LRP1B: variants seen among roughly 807,000 people sequenced by gnomAD.
The protein encoded by LRP1B is LDL receptor related protein 1B.
In LRP1B, 217 loss-of-function variants were observed where a neutral mutation model predicts 556.6. The ratio of observed to expected loss-of-function variants is 0.39; its 90% CI spans 0.35 to 0.44. The LOEUF (loss-of-function observed/expected upper bound fraction) is 0.44. Among genes scored for constraint, LRP1B ranks in the 20% least tolerant of loss-of-function variants. The pLI, the probability that LRP1B is intolerant of heterozygous loss-of-function variation, is 1.00. For synonymous variants in LRP1B, 2,047 were observed against 1,865.8 expected (o/e 1.10, Z -2.50); for missense variants, 5,053 against 5,620.8 (o/e 0.90, Z 3.23).
At chr2:140,539,350 T>C (rs1240639012) in intron 45 of LRP1B, among the ~76,000 whole-genome samples, 1 of 152,142 alleles carries the variant, frequency 6.6e-6, no homozygotes, top group African/African-American at 2.4e-5. Context: ...AGTTACTTTC[T>C]AATCTCTCTG....
chr2:140,790,439 C>T (rs1414894322), intron 32 of LRP1B, among the ~76,000 whole-genome samples: 1 of 152,104 alleles, frequency 6.6e-6, no homozygotes, highest in Non-Finnish European at 1.5e-5. Flanking sequence ...GGATTTTTCT[C>T]TTTAGTTTCA....
intron 7 of LRP1B, among the ~76,000 whole-genome samples, chr2:141,072,786 A>C (rs2105485985): frequency 6.6e-6 from 1 of 152,184 alleles, no homozygotes; most frequent in East Asian, 1.9e-4. Context: ...TGTCTGCAGA[A>C]ATTAGAGCAT....
Position 140,268,404 on chromosome 2 carries a change from C to G in LRP1B, c.13247+1838G>C, listed in dbSNP as rs376110136. 2.6e-5 allele frequency among the ~76,000 whole-genome samples: 4 copies of G among 151,888 alleles called. No individual in the cohort carries two copies. The East Asian group carries it at 5.8e-4, about 22-fold the overall frequency. ...CACAACAAAACTCCTTCAGCTCAAG[C>G]CTCTGCCTCAAGTCTCAGCAACTCA... On this transcript the variant is annotated intron_variant, in intron 86 of 90. Coordinates refer to ENST00000389484, the MANE Select transcript of LRP1B (RefSeq NM_018557.3).
rs2104951925 is a variant in LRP1B at position 140,274,464 on chromosome 2, G to A, written c.13102C>T (p.His4368Tyr). The change falls in exon 85 of 91, where the codon CAC becomes TAC. Residue 4368 changes from histidine (H) to tyrosine (Y), a missense_variant. Transcript: ENST00000389484. ...TCACTGTCTTTATTTATAATGCAGT[G>A]CCCCCCATGGCACCTTACACACTTG... ...VDKCVRCHGG[H>Y]CIINKDSEDI... 15 of 1,612,502 alleles carry A rather than the reference G, an allele frequency of 9.3e-6. No homozygotes were observed. The highest frequency in any genetic ancestry group is 1.3e-5 in the Non-Finnish European group (15 of 1,179,064).
At chr2:141,090,563 A>G (rs1210316135) in intron 7 of LRP1B, among the ~76,000 whole-genome samples, 1 of 152,244 alleles carries the variant, frequency 6.6e-6, no homozygotes, top group Non-Finnish European at 1.5e-5. Flanking sequence ...TCAACATTCT[A>G]CATTTCTCTT....
chr2:141,005,397 C>T lies in LRP1B; in HGVS notation c.2441G>A (p.Gly814Glu), dbSNP rs775281520. 1 of 1,611,336 alleles carries T rather than the reference C, an allele frequency of 6.2e-7. No homozygotes were observed. Among genetic ancestry groups the T allele is most frequent in the Non-Finnish European group, 8.5e-7 (1 of 1,178,222 alleles). Residue 814 changes from glycine (G) to glutamate (E), a missense_variant, in exon 15 of 91, where the codon GGA (glycine) becomes GAA (glutamate). Transcript: ENST00000389484. ...GCSTLCLAIPGGRVCACADNQ... is the reference protein window; with the variant it reads ...GCSTLCLAIPEGRVCACADNQ... ...ATCGGCACAAGCACACACCCGGCCT[C>T]CTGGGATAGCCAAGCAAAGTGTACT...
At chr2:141,306,124 C>T (rs548337987) in intron 3 of LRP1B, among the ~76,000 whole-genome samples, 1 of 125,276 alleles carries the variant, frequency 8.0e-6, no homozygotes, top group African/African-American at 3.2e-5. Context: ...GGAAAATTAC[C>T]TACTCTTCAA....
chr2:141,496,783 G>T (rs1351057320), intron 2 of LRP1B, among the ~76,000 whole-genome samples: 1 of 151,758 alleles, frequency 6.6e-6, no homozygotes, highest in African/African-American at 2.4e-5. Flanking sequence ...GGGTTATGAA[G>T]AAGAAAAGAA....
intron 52 of LRP1B, among the ~76,000 whole-genome samples, chr2:140,509,071 CACACACACACAA>C (rs1689539398): frequency 1.0e-5 from 1 of 96,306 alleles, no homozygotes; most frequent in Admixed American, 1.3e-4. Flanking sequence ...TGCACACACA[CACACACACACAA>C]ACACACACAC....
chr2:140,233,466 G>A (rs1366559273), intron 90 of LRP1B, 140 bp from the exon 91 acceptor site: 4 of 518,720 alleles, frequency 7.7e-6, no homozygotes, highest in African/African-American at 4.0e-5. Flanking sequence ...ATGATTTAAA[G>A]GTTATTTACA....
At chr2:141,440,646 G>A (rs1287863765) in intron 3 of LRP1B, among the ~76,000 whole-genome samples, 1 of 152,188 alleles carries the variant, frequency 6.6e-6, no homozygotes. Flanking sequence ...ATTCTGATGG[G>A]CCTGTTTCTA....
chr2:141,777,392 T>G (rs1695112204), intron 2 of LRP1B, among the ~76,000 whole-genome samples: 1 of 152,112 alleles, frequency 6.6e-6, no homozygotes, highest in African/African-American at 2.4e-5. Flanking sequence ...AATCTGCAAA[T>G]GACTTTTATT....
intron 87 of LRP1B, among the ~76,000 whole-genome samples, chr2:140,241,791 ACT>A (rs1170940116): frequency 1.3e-5 from 2 of 151,054 alleles, no homozygotes; most frequent in African/African-American, 4.8e-5. Flanking sequence ...AAAAATAAGT[ACT>A]TTTTCCCTAG....
intron 20 of LRP1B, among the ~76,000 whole-genome samples, chr2:140,943,638 T>A (rs1333284807): frequency 2.0e-5 from 3 of 152,056 alleles, no homozygotes; most frequent in African/African-American, 7.2e-5. Flanking sequence ...CCCAATTACA[T>A]GGAAACTAAA....
At chr2:140,590,343 G>T (rs1385771) in intron 43 of LRP1B, among the ~76,000 whole-genome samples, 14 of 147,718 alleles carry the variant, frequency 9.5e-5, no homozygotes, top group Non-Finnish European at 1.3e-4. Flanking sequence ...ATGTGTGTGT[G>T]TATATATATA....
At chr2:141,146,924 A>C (rs978788676) in intron 7 of LRP1B, among the ~76,000 whole-genome samples, 1 of 152,114 alleles carries the variant, frequency 6.6e-6, no homozygotes, top group Admixed American at 6.6e-5. Flanking sequence ...CTGTTACAAG[A>C]AAGATCCTTT....
intron 1 of LRP1B, among the ~76,000 whole-genome samples, chr2:141,926,141 A>G (rs1312788084): frequency 6.6e-6 from 1 of 152,172 alleles, no homozygotes; most frequent in Non-Finnish European, 1.5e-5. Flanking sequence ...TGTTATTTCA[A>G]CATGCATACA....
chr2:140,626,548 C>A (rs578140590), intron 41 of LRP1B, among the ~76,000 whole-genome samples: 1 of 151,578 alleles, frequency 6.6e-6, no homozygotes, highest in Admixed American at 6.6e-5. Context: ...AATCTAGTAA[C>A]AATAAATAAA....
intron 2 of LRP1B, among the ~76,000 whole-genome samples, chr2:141,790,883 A>G (rs6759610): frequency 0.36 from 54,616 of 151,696 alleles, 10,041 homozygotes; most frequent in Middle Eastern, 0.44. Flanking sequence ...ATAGAAATAC[A>G]ATTCTAGAAG....
Sources: gnomAD v4.1 joint callset for allele counts (sites outside exome capture counted in the v4.1 genomes callset) on GRCh38, gnomAD v4.1.1 for gene constraint, MANE v1.5 for transcripts, NCBI Gene and HGNC (gene_info 2026-07-23, HGNC 2026-07-21) for gene names.